The following AUTS2 variants were observed in gnomAD, a reference collection of about 807,000 sequenced individuals.
AUTS2 encodes autism susceptibility gene 2 protein.
Under a neutral mutation model 112.4 loss-of-function variants are expected in AUTS2, and 17 were observed. The ratio of observed to expected loss-of-function variants is 0.15; its 90% confidence interval spans 0.10 to 0.23. AUTS2 has a LOEUF of 0.23. Among genes scored for constraint, AUTS2 ranks in the 10% least tolerant of loss-of-function variants. AUTS2 has a pLI of 1.00. For missense variants in AUTS2, 1,510 were observed against 1,701.6 expected, an observed-to-expected ratio of 0.89 and a Z score of 1.98; for synonymous variants, 751 against 702.7, an observed-to-expected ratio of 1.07 and a Z score of -1.09.
At chr7:70,569,286 A>G (rs1404271899) in intron 5 of AUTS2, among the ~76,000 whole-genome samples, 1 of 152,150 alleles carries the variant, frequency 6.6e-6, no homozygotes, top group Non-Finnish European at 1.5e-5. Context: ...GTGCTAGGGA[A>G]CCTTGTTAGC....
chr7:70,716,013 A>T (rs1810344814), intron 6 of AUTS2, among the ~76,000 whole-genome samples: 1 of 152,244 alleles, frequency 6.6e-6, no homozygotes, highest in Non-Finnish European at 1.5e-5. Context: ...AAGTGACTTG[A>T]TTCAAGAAAG....
intron 1 of AUTS2, among the ~76,000 whole-genome samples, chr7:69,872,163 C>T (rs1303089643): frequency 2.0e-5 from 3 of 152,186 alleles, no homozygotes; most frequent in Non-Finnish European, 4.4e-5. Flanking sequence ...GCACAGGTCA[C>T]ACACCCATGA....
At chr7:70,403,515 C>CTG (rs1794411262) in intron 4 of AUTS2, among the ~76,000 whole-genome samples, 1 of 152,346 alleles carries the variant, frequency 6.6e-6, no homozygotes, top group Admixed American at 6.5e-5. Context: ...TGCCTGCCTA[C>CTG]TGTGGCCAAC....
At position 70,177,654 on chromosome 7, in the gene AUTS2, A is replaced by G. The variant is rs1447918799; in HGVS notation, c.660+43083A>G. Among the ~76,000 whole-genome samples, 4 of 152,212 alleles carry G rather than the reference A, an allele frequency of 2.6e-5. No individual in the cohort carries two copies. In the East Asian group the frequency reaches 7.7e-4, roughly 29 times the overall value. ...AGCAGACATTTGAACTTGACAACCT[A>G]AATTCAGGTTCTGGCTAGGGGTTTC... is the stretch of plus-strand genomic sequence containing the variant. On this transcript the variant is annotated intron_variant, in intron 4 of 18. Coordinates refer to ENST00000342771, the MANE Select transcript of AUTS2 (RefSeq NM_015570.4).
chr7:69,828,538 C>T (rs1352389312), intron 1 of AUTS2, among the ~76,000 whole-genome samples: 4 of 152,150 alleles, frequency 2.6e-5, no homozygotes, highest in African/African-American at 9.7e-5. Flanking sequence ...AGAAAAATCA[C>T]GTTTTAACTA....
chr7:70,085,242 G>A (rs75667224), intron 2 of AUTS2, among the ~76,000 whole-genome samples: 1 of 151,908 alleles, frequency 6.6e-6, no homozygotes, highest in Admixed American at 6.6e-5. Flanking sequence ...AAGGATACAG[G>A]GTTTTCCCTT....
chr7:70,588,569 G>T (rs974417129), intron 5 of AUTS2, among the ~76,000 whole-genome samples: 6 of 152,174 alleles, frequency 3.9e-5, no homozygotes, highest in African/African-American at 7.2e-5. Context: ...CAGATGAGCT[G>T]GTGGAAGGTA....
chr7:70,573,045 G>T (rs1272478913), intron 5 of AUTS2, among the ~76,000 whole-genome samples: 2 of 152,076 alleles, frequency 1.3e-5, no homozygotes, highest in Non-Finnish European at 1.5e-5. Context: ...TCGACTCTTC[G>T]GAGAGAACGG....
At chr7:70,514,326 G>A (rs1046313564) in intron 5 of AUTS2, among the ~76,000 whole-genome samples, 2 of 152,192 alleles carry the variant, frequency 1.3e-5, no homozygotes, top group South Asian at 2.1e-4. Flanking sequence ...CTGAGACTGG[G>A]TACTATCTAA....
At chr7:70,418,620 T>C (rs773771470) in intron 4 of AUTS2, among the ~76,000 whole-genome samples, 2 of 152,310 alleles carry the variant, frequency 1.3e-5, no homozygotes, top group Non-Finnish European at 2.9e-5. Context: ...AATGGGATTA[T>C]TCTTTGCCAT....
chr7:70,209,341 A>G (rs1810736906), intron 4 of AUTS2, among the ~76,000 whole-genome samples: 1 of 152,212 alleles, frequency 6.6e-6, no homozygotes, highest in African/African-American at 2.4e-5. Context: ...GGTGTGAAGC[A>G]GGGAATAATT....
chr7:69,783,424 T>C (rs530526793), intron 1 of AUTS2, among the ~76,000 whole-genome samples: 1 of 152,244 alleles, frequency 6.6e-6, no homozygotes, highest in South Asian at 2.1e-4. Flanking sequence ...AGTTATAGAA[T>C]GGTTCCCAGC....
intron 11 of AUTS2, among the ~76,000 whole-genome samples, chr7:70,773,514 C>T (rs1356852841): frequency 2.6e-5 from 4 of 152,166 alleles, no homozygotes; most frequent in Admixed American, 1.3e-4. Flanking sequence ...CCATTTCCAC[C>T]ACTGCTAATG....
chr7:70,100,011 A>G (rs1205029543), intron 2 of AUTS2, among the ~76,000 whole-genome samples: 5 of 152,182 alleles, frequency 3.3e-5, no homozygotes, highest in African/African-American at 1.2e-4. Context: ...TAAAAAAAAA[A>G]TGACAAATAT....
At chr7:70,245,855 C>T (rs1812894603) in intron 4 of AUTS2, among the ~76,000 whole-genome samples, 1 of 152,062 alleles carries the variant, frequency 6.6e-6, no homozygotes. Context: ...CTCTAACTAG[C>T]AGTGTAGAAT....
chr7:69,940,601 G>A (rs1796589472), intron 2 of AUTS2, among the ~76,000 whole-genome samples: 1 of 152,146 alleles, frequency 6.6e-6, no homozygotes. Flanking sequence ...AATATAAAGG[G>A]CTAAGGACAA....
In AUTS2 at chr7:70,485,312, C is replaced by G. The variant is rs576000479; in HGVS notation, c.690+49531C>G. On this transcript the variant is annotated intron_variant, in intron 5 of 18. Coordinates refer to ENST00000342771, the MANE Select transcript of AUTS2 (RefSeq NM_015570.4). Reference sequence around the variant, plus strand: ...ATACTACTCAGCCATGAAACAATGGCCTTTGCAGCACCATGGATGGAGCTG... The same window carrying G: ...ATACTACTCAGCCATGAAACAATGGGCTTTGCAGCACCATGGATGGAGCTG... 1.2e-3 allele frequency among the ~76,000 whole-genome samples: 178 copies of G among 152,182 alleles called. 1 individual carries two copies. Among genetic ancestry groups the G allele is most frequent in the African/African-American group, 4.1e-3 (172 of 41,514 alleles).
At chr7:70,567,857 T>TA (rs1159775335) in intron 5 of AUTS2, among the ~76,000 whole-genome samples, 1 of 152,198 alleles carries the variant, frequency 6.6e-6, no homozygotes, top group Non-Finnish European at 1.5e-5. Context: ...AGCTGTTTTT[T>TA]AATGTCTGAA....
rs1383150896 is a variant in AUTS2, at chr7:69,961,120, G to GT, written c.522+61626dup. On this transcript the variant is annotated intron_variant, in intron 2 of 18. Coordinates refer to ENST00000342771, the MANE Select transcript of AUTS2 (RefSeq NM_015570.4). ...CCTCAGTATGTATTGTTGGTTACCT[G>GT]TTTTCATGCACCAGATACTGCATTA... Among the ~76,000 whole-genome samples, 6 of 152,184 alleles carry GT rather than the reference G, an allele frequency of 3.9e-5. No homozygotes were observed. In the East Asian group the frequency reaches 1.2e-3, roughly 29 times the overall value.
Sources: gnomAD v4.1 joint callset for allele counts (sites outside exome capture counted in the v4.1 genomes callset) on GRCh38, gnomAD v4.1.1 for gene constraint, MANE v1.5 for transcripts, NCBI Gene and HGNC (gene_info 2026-07-23, HGNC 2026-07-21) for gene names.